Variants in FILIP1L observed in about 807,000 individuals in gnomAD.
FILIP1L encodes the protein filamin A interacting protein 1 like.
A neutral mutation model predicts 96.6 loss-of-function variants in FILIP1L; 55 were observed. That is an observed-to-expected ratio of 0.57 (90% CI 0.46 to 0.71). The LOEUF is 0.71. FILIP1L is among the 30% of genes least tolerant of loss of function. FILIP1L has a pLI of 0.00. For synonymous variants in FILIP1L, 467 were observed against 473.9 expected (o/e 0.99, Z 0.19); for missense variants, 1,304 against 1,321.2 (o/e 0.99, Z 0.20).
Position 100,021,960 on chromosome 3 carries a change from T to TGA in FILIP1L, c.-10-90932_-10-90931dup, listed in dbSNP as rs61630053. ...GTGTGTGTGTGTGTGTGTGTGTGTG[T>TGA]GAGAGAGAGAGAGAGAGAGAGAGAG... On this transcript the variant is annotated intron_variant, in intron 1 of 5. Coordinates refer to ENST00000477258, the MANE Select transcript of FILIP1L (RefSeq NM_001387850.1). 2.9e-3 allele frequency among the ~76,000 whole-genome samples: 272 copies of TGA among 93,302 alleles called. 1 individual carries two copies. The highest frequency in any genetic ancestry group is 3.9e-3 in the Non-Finnish European group (175 of 44,708). The allele number at this position is 93,302 out of a possible 152,430, so 61.2% of individuals were successfully genotyped here.
intron 1 of FILIP1L, among the ~76,000 whole-genome samples, chr3:100,002,536 T>G (rs758945512): frequency 3.9e-5 from 6 of 152,216 alleles, no homozygotes; most frequent in Non-Finnish European, 7.3e-5. Flanking sequence ...AGGATGGAAG[T>G]AGCCTAAAAT....
intron 4 of FILIP1L, among the ~76,000 whole-genome samples, chr3:99,906,628 GA>G (rs1197456030): frequency 6.6e-6 from 1 of 152,168 alleles, no homozygotes. Context: ...CTGAAACACA[GA>G]AAGGTTAAGT....
At chr3:99,986,899 A>C (rs565269260) in intron 1 of FILIP1L, among the ~76,000 whole-genome samples, 5 of 152,328 alleles carry the variant, frequency 3.3e-5, no homozygotes, top group African/African-American at 1.2e-4. Context: ...ACCCTGATCT[A>C]GTTAGGAGGA....
chr3:99,833,435 G>A (rs571730965), intron 5 of FILIP1L, among the ~76,000 whole-genome samples: 1 of 152,322 alleles, frequency 6.6e-6, no homozygotes, highest in African/African-American at 2.4e-5. Context: ...AGTATGGAAA[G>A]GTGAAGTGTT....
chr3:99,850,401 CATA>C lies in FILIP1L; in HGVS notation c.1272_1274del (p.Ile424del). On this transcript the variant is annotated inframe_deletion, in exon 5 of 6. Coordinates refer to ENST00000477258, the MANE Select transcript of FILIP1L (RefSeq NM_001387850.1). ...AAGCGTCTTCTAACTTTTCCAGAGC[CATA>C]ATTCTTTTACTGAGTTTTTCAACCT... 2 of 1,613,774 alleles carry C rather than the reference CATA, an allele frequency of 1.2e-6. No individual in the cohort carries two copies. The highest frequency in any genetic ancestry group is 1.7e-6 in the Non-Finnish European group (2 of 1,179,938).
At chr3:99,863,363 C>G (rs926272890) in intron 4 of FILIP1L, among the ~76,000 whole-genome samples, 1 of 152,204 alleles carries the variant, frequency 6.6e-6, no homozygotes, top group African/African-American at 2.4e-5. Flanking sequence ...CAAACTGGTA[C>G]TGGTCTTCGG....
At chr3:99,976,873 C>T (rs1297251490) in intron 1 of FILIP1L, among the ~76,000 whole-genome samples, 1 of 152,160 alleles carries the variant, frequency 6.6e-6, no homozygotes, top group Non-Finnish European at 1.5e-5. Context: ...TTTTCTCTGG[C>T]TTCCTACCTT....
At chr3:99,912,752 A>G (rs554537616) in intron 4 of FILIP1L, among the ~76,000 whole-genome samples, 1 of 152,296 alleles carries the variant, frequency 6.6e-6, no homozygotes, top group South Asian at 2.1e-4. Context: ...TCCATGCCTC[A>G]GTTGATGGAC....
chr3:99,896,456 T>G (rs1706255883), intron 4 of FILIP1L, among the ~76,000 whole-genome samples: 3 of 152,208 alleles, frequency 2.0e-5, no homozygotes, highest in African/African-American at 4.8e-5. Context: ...GGGATTTTGG[T>G]TTTTTTCATG....
intron 1 of FILIP1L, among the ~76,000 whole-genome samples, chr3:100,030,864 T>C (rs1366360716): frequency 6.6e-6 from 1 of 152,212 alleles, no homozygotes; most frequent in Non-Finnish European, 1.5e-5. Flanking sequence ...TAAAGTGCAC[T>C]GTGGTAAAAT....
chr3:99,844,119 C>T (rs1374350134), intron 5 of FILIP1L, among the ~76,000 whole-genome samples: 1 of 152,114 alleles, frequency 6.6e-6, no homozygotes, highest in Non-Finnish European at 1.5e-5. Context: ...CTGTGGCTCA[C>T]TGCCACTACC....
intron 4 of FILIP1L, among the ~76,000 whole-genome samples, chr3:99,905,722 G>T (rs1706593749): frequency 6.6e-6 from 1 of 152,100 alleles, no homozygotes; most frequent in Admixed American, 6.5e-5. Flanking sequence ...TTACTGAGAG[G>T]TTGCCACCAT....
chr3:99,944,617 G>A (rs1214874301), intron 1 of FILIP1L, among the ~76,000 whole-genome samples: 1 of 152,228 alleles, frequency 6.6e-6, no homozygotes, highest in African/African-American at 2.4e-5. Flanking sequence ...AAGAGGTTAA[G>A]TTAATCTGCC....
chr3:99,958,886 G>A (rs1708415605), intron 1 of FILIP1L, among the ~76,000 whole-genome samples: 1 of 152,194 alleles, frequency 6.6e-6, no homozygotes, highest in Non-Finnish European at 1.5e-5. Context: ...CACTTAGGCA[G>A]TGGGAAGCTA....
chr3:99,985,719 A>C (rs377406843), intron 1 of FILIP1L, among the ~76,000 whole-genome samples: 1 of 151,932 alleles, frequency 6.6e-6, no homozygotes, highest in East Asian at 1.9e-4. Flanking sequence ...CTCCTGAGTA[A>C]ATGGGATTAC....
At chr3:100,050,431 T>A (rs573271682) in intron 1 of FILIP1L, among the ~76,000 whole-genome samples, 2 of 152,222 alleles carry the variant, frequency 1.3e-5, no homozygotes, top group Non-Finnish European at 2.9e-5. Context: ...AATGCTAAAA[T>A]AGAATGCTTA....
intron 4 of FILIP1L, among the ~76,000 whole-genome samples, chr3:99,899,569 A>G (rs997665627): frequency 8.5e-5 from 13 of 152,136 alleles, no homozygotes; most frequent in Non-Finnish European, 1.9e-4. Context: ...GCTTTTTTCT[A>G]GCAGTTTCCT....
chr3:100,102,234 T>C (rs1035979312), intron 1 of FILIP1L, among the ~76,000 whole-genome samples: 45 of 152,268 alleles, frequency 3.0e-4, no homozygotes, highest in African/African-American at 8.9e-4. Flanking sequence ...TACAGTCCCA[T>C]CAACAGTGTA....
At chr3:100,077,319 C>G (rs969473825) in intron 1 of FILIP1L, among the ~76,000 whole-genome samples, 1 of 152,164 alleles carries the variant, frequency 6.6e-6, no homozygotes, top group Non-Finnish European at 1.5e-5. Flanking sequence ...CAGGCAACAG[C>G]CAAAGTCATT....
Sources: gnomAD v4.1 joint callset for allele counts (sites outside exome capture counted in the v4.1 genomes callset) on GRCh38, gnomAD v4.1.1 for gene constraint, MANE v1.5 for transcripts, NCBI Gene and HGNC (gene_info 2026-07-23, HGNC 2026-07-21) for gene names.